The following DNAJC11 variants were observed in gnomAD, a reference collection of about 807,000 sequenced individuals.
The protein encoded by DNAJC11 is DnaJ heat shock protein family (Hsp40) member C11.
A neutral mutation model predicts 78.6 loss-of-function variants in DNAJC11; 15 were observed. The ratio of observed to expected loss-of-function variants is 0.19; its 90% CI spans 0.13 to 0.29. The LOEUF (loss-of-function observed/expected upper bound fraction) is 0.29. Among genes scored for constraint, DNAJC11 ranks in the 10% least tolerant of loss-of-function variants. DNAJC11 has a pLI of 1.00. For missense variants in DNAJC11, 547 were observed against 709.6 expected (o/e 0.77, Z 2.60); for synonymous variants, 292 against 272.1 (o/e 1.07, Z -0.72).
Position 6,645,831 on chromosome 1 carries a change from G to A in DNAJC11, c.852C>T (p.Ile284=), listed in dbSNP as rs752626884. 7 of 1,614,052 alleles carry A rather than the reference G, an allele frequency of 4.3e-6. No homozygotes were observed. The East Asian group carries it at 8.9e-5, about 21-fold the overall frequency. Residue 284 remains isoleucine (I), a synonymous_variant, in exon 8 of 16, where the codon ATC becomes ATT. Coordinates refer to ENST00000377577, the MANE Select transcript of DNAJC11 (RefSeq NM_018198.4). The surrounding 1 kb of genome is among the most constrained non-coding windows in gnomAD (Gnocchi z 4.1). ...WGIQSAMNTS[I]VRDTKTSHFT... The stretch of plus-strand genomic sequence containing the variant: ...AGTGGCTGGTTTTAGTGTCTCGGAC[G>A]ATGCTAGTGTTCATGGCTGACTGGA...
intron 10 of DNAJC11, among the ~76,000 whole-genome samples, chr1:6,641,966 G>A (rs1229225611): frequency 6.6e-6 from 1 of 152,196 alleles, no homozygotes. Flanking sequence ...CCTGGGGCAA[G>A]GGGAAGGGCT....
chr1:6,680,056 C>G lies in DNAJC11; in HGVS notation c.202+852G>C, dbSNP rs1004520901. Among the ~76,000 whole-genome samples, 2 of 152,142 alleles carry G rather than the reference C, an allele frequency of 1.3e-5. No homozygotes were observed. Among genetic ancestry groups the G allele is most frequent in the Admixed American group, 6.5e-5 (1 of 15,278 alleles). On this transcript the variant is annotated intron_variant, in intron 2 of 15. Transcript: ENST00000377577. The surrounding 1 kb of genome is among the most constrained non-coding windows in gnomAD (Gnocchi z 4.0). ...AAAACACTACAAGCTATTATGTATA[C>G]AGTGAGATGACTTTATGATTTTATA...
At chr1:6,697,344 C>T (rs1642853419) in intron 1 of DNAJC11, among the ~76,000 whole-genome samples, 1 of 152,200 alleles carries the variant, frequency 6.6e-6, no homozygotes, top group Admixed American at 6.5e-5. Flanking sequence ...CCTTTTAGCA[C>T]CACGGACTGG....
At chr1:6,696,196 T>G (rs1642832970) in intron 1 of DNAJC11, among the ~76,000 whole-genome samples, 1 of 152,242 alleles carries the variant, frequency 6.6e-6, no homozygotes, top group African/African-American at 2.4e-5. Context: ...TTTAACATAA[T>G]GTAGTAGATG....
intron 1 of DNAJC11, among the ~76,000 whole-genome samples, chr1:6,699,403 C>T (rs1642889741): frequency 6.6e-6 from 1 of 152,178 alleles, no homozygotes; most frequent in Non-Finnish European, 1.5e-5. Context: ...AAATCTTCAC[C>T]TAGGACTCTG....
intron 3 of DNAJC11, among the ~76,000 whole-genome samples, chr1:6,672,901 CACT>C: frequency 1.3e-5 from 2 of 152,228 alleles, no homozygotes; most frequent in Middle Eastern, 3.4e-3. Flanking sequence ...AACTGCTGTT[CACT>C]GGAGCATTCA....
chr1:6,641,869 T>C (rs932582270), intron 10 of DNAJC11, among the ~76,000 whole-genome samples: 2 of 152,130 alleles, frequency 1.3e-5, no homozygotes, highest in African/African-American at 4.8e-5. Flanking sequence ...CAAGAGCTTA[T>C]GTCTGATGAG....
At chr1:6,638,700 T>A (rs879672888) in intron 11 of DNAJC11, among the ~76,000 whole-genome samples, 19 of 152,218 alleles carry the variant, frequency 1.2e-4, no homozygotes, top group Admixed American at 2.6e-4. Flanking sequence ...TTAATTTTAA[T>A]TTTAAGATAG....
At chr1:6,701,699 G>A (rs753388864) in intron 1 of DNAJC11, 30 bp downstream of exon 1, 2 of 1,518,852 alleles carry the variant, frequency 1.3e-6, no homozygotes, top group East Asian at 5.7e-5. Context: ...CTCGGCCTCA[G>A]CCCCCAGAGC....
At chr1:6,652,361 A>G (rs1642069040) in intron 6 of DNAJC11, among the ~76,000 whole-genome samples, 1 of 152,176 alleles carries the variant, frequency 6.6e-6, no homozygotes, top group Admixed American at 6.6e-5. Flanking sequence ...ATCTCATAGG[A>G]AACCTTGTTT....
intron 4 of DNAJC11, among the ~76,000 whole-genome samples, chr1:6,654,911 G>A (rs1350117184): frequency 6.6e-6 from 1 of 151,868 alleles, no homozygotes; most frequent in African/African-American, 2.4e-5. Flanking sequence ...CGATTCTCCT[G>A]CCTTAGTCTC....
intron 4 of DNAJC11, among the ~76,000 whole-genome samples, chr1:6,656,283 G>A (rs1011235601): frequency 2.0e-5 from 3 of 151,078 alleles, no homozygotes; most frequent in African/African-American, 7.3e-5. Context: ...TTTTGTGTAG[G>A]AATCTTGGTG....
intron 1 of DNAJC11, among the ~76,000 whole-genome samples, chr1:6,699,556 A>C (rs558743133): frequency 5.6e-4 from 85 of 152,244 alleles, no homozygotes; most frequent in African/African-American, 1.9e-3. Flanking sequence ...TTATTGCTTG[A>C]CTTCTAAAAA....
At chr1:6,662,843 C>G (rs1642238490) in intron 4 of DNAJC11, among the ~76,000 whole-genome samples, 1 of 148,652 alleles carries the variant, frequency 6.7e-6, no homozygotes, top group Non-Finnish European at 1.5e-5. Context: ...CAGCAACAAC[C>G]TGCTCGGGTC....
At chr1:6,637,808 TAAA>T in intron 12 of DNAJC11, 1 of 504,578 alleles carries the variant, frequency 2.0e-6, no homozygotes, top group South Asian at 2.5e-5. Context: ...GTTGACCCAA[TAAA>T]AAAACAATGC....
chr1:6,665,722 G>C (rs892597401), intron 4 of DNAJC11, among the ~76,000 whole-genome samples: 1 of 152,056 alleles, frequency 6.6e-6, no homozygotes, highest in African/African-American at 2.4e-5. Flanking sequence ...CCAGATGGCC[G>C]ATTTGATCAT....
intron 7 of DNAJC11, among the ~76,000 whole-genome samples, chr1:6,649,391 G>T (rs933370143): frequency 5.9e-5 from 9 of 152,058 alleles, no homozygotes; most frequent in African/African-American, 2.2e-4. Context: ...GGATGGTCTC[G>T]ATCTCCTGAT....
chr1:6,690,796 C>A lies in DNAJC11; in HGVS notation c.73-9759G>T, dbSNP rs960638489. 2.0e-5 allele frequency among the ~76,000 whole-genome samples: 3 copies of A among 152,144 alleles called. No homozygotes were observed. In the East Asian group the frequency reaches 5.8e-4, roughly 29 times the overall value. On this transcript the variant is annotated intron_variant, in intron 1 of 15. Transcript: ENST00000377577. ...AAAATTAGCTGGGCGTGGTGGCGGG[C>A]GCCTGTAGTCCCAGCTACTCGGGAG...
At position 6,638,121 on chromosome 1, in the gene DNAJC11, T is replaced by C; in HGVS notation, c.1323+174A>G. 5.5e-6 allele frequency: 3 copies of C among 547,942 alleles called. No homozygotes were observed. The South Asian group carries it at 9.8e-5, about 18-fold the overall frequency. The allele number at this position is 547,942 out of a possible 1,614,324, so 33.9% of individuals were successfully genotyped here. On this transcript the variant is annotated intron_variant, in intron 12 of 15. Coordinates refer to ENST00000377577, the MANE Select transcript of DNAJC11 (RefSeq NM_018198.4). ...CCCTTGTTAGGCCTTTGGAGGGTAA[T>C]TATCTTCAGGGCAGGGACTGCAGAG...
Sources: allele counts gnomAD v4.1 joint callset (sites outside exome capture counted in the v4.1 genomes callset), GRCh38; gene constraint gnomAD v4.1.1; non-coding constraint Gnocchi (gnomAD v3.1); transcripts MANE v1.5; gene names NCBI Gene and HGNC (gene_info 2026-07-23, HGNC 2026-07-21).